The following AKR1B10 variants were observed in gnomAD, a reference collection of about 807,000 sequenced individuals.
AKR1B10 encodes the protein aldo-keto reductase family 1 member B10, also known as ARP.
AKR1B10 carries 39 observed loss-of-function variants against 38.9 expected under a neutral mutation model. The observed-to-expected ratio is 1.00, with a 90% CI of 0.78 to 1.31. AKR1B10 has a LOEUF of 1.31. Among genes scored for constraint, AKR1B10 ranks in the 50% most tolerant of loss-of-function variants. The pLI is 0.00. For synonymous variants in AKR1B10, 148 were observed against 141.2 expected (o/e 1.05, Z -0.34); for missense variants, 361 against 382.6 (o/e 0.94, Z 0.47).
rs189945249 is a variant in AKR1B10 at position 134,537,228 on chromosome 7, G to T, written c.659+71G>T. 9.6e-3 allele frequency: 14,722 copies of T among 1,534,028 alleles called. 136 individuals are homozygous for T. The highest frequency in any genetic ancestry group is 0.011 in the Non-Finnish European group (12,407 of 1,139,966). On this transcript the variant is annotated intron_variant, in intron 6 of 9. Coordinates refer to ENST00000359579, the MANE Select transcript of AKR1B10 (RefSeq NM_020299.5). Reference sequence around the variant, plus strand: ...CATTATTTTATAATTGGTAAATGTTGGTATGGGTCCATAAGTTACTGGAAA... The same window carrying T: ...CATTATTTTATAATTGGTAAATGTTTGTATGGGTCCATAAGTTACTGGAAA...
At chr7:134,536,021 G>A (rs1290316102) in intron 4 of AKR1B10, among the ~76,000 whole-genome samples, 1 of 152,238 alleles carries the variant, frequency 6.6e-6, no homozygotes, top group African/African-American at 2.4e-5. Context: ...AGCATGGCTG[G>A]ATATGCAAAC....
chr7:134,527,758 A>G lies in AKR1B10; in HGVS notation c.-154A>G. 1 of 1,063,878 alleles carries G rather than the reference A, an allele frequency of 9.4e-7. No individual in the cohort carries two copies. The highest frequency in any genetic ancestry group is 1.3e-6 in the Non-Finnish European group (1 of 759,344). 65.9% of individuals were successfully genotyped at this position (1,063,878 alleles called of 1,614,324 possible). The stretch of plus-strand genomic sequence containing the variant: ...CTACTCGGGAGGCTGAGGCAGGAGA[A>G]TTGCTTGAACCCAGGAGACAGAGGT... On this transcript the variant is annotated 5_prime_UTR_variant, in exon 1 of 10. Coordinates refer to ENST00000359579, the MANE Select transcript of AKR1B10 (RefSeq NM_020299.5).
chr7:134,539,052 G>T (rs761893835), intron 9 of AKR1B10, 35 bp downstream of exon 9: 1 of 1,612,318 alleles, frequency 6.2e-7, no homozygotes. Context: ...AGCATTGCCA[G>T]GAGTTTTTCT....
At chr7:134,532,129 C>T (rs953708632) in intron 3 of AKR1B10, 105 bp downstream of exon 3, 2 of 1,362,588 alleles carry the variant, frequency 1.5e-6, no homozygotes, top group South Asian at 1.2e-5. Flanking sequence ...GGAGGCCTTG[C>T]ATTTCATAAT....
chr7:134,532,604 G>A (rs113503603), intron 3 of AKR1B10, among the ~76,000 whole-genome samples: 9,422 of 152,078 alleles, frequency 0.062, 487 homozygotes, highest in African/African-American at 0.13. Context: ...CTAATTCCAC[G>A]CCTCTTCTAG....
chr7:134,541,198 C>A lies in AKR1B10; in HGVS notation c.*109C>A. On this transcript the variant is annotated 3_prime_UTR_variant, in exon 10 of 10. Coordinates refer to ENST00000359579, the MANE Select transcript of AKR1B10 (RefSeq NM_020299.5). Reference sequence around the variant, plus strand: ...CAAGCTTATTTAAGATCACAGTGAACTTAGTCCTGTTATAGACGAGAATCG... The same window carrying A: ...CAAGCTTATTTAAGATCACAGTGAAATTAGTCCTGTTATAGACGAGAATCG... The A allele has an allele frequency of 1.2e-6, 1 of 830,306 alleles. No homozygotes were observed. Among genetic ancestry groups the A allele is most frequent in the Non-Finnish European group, 1.9e-6 (1 of 517,762 alleles). 51.4% of individuals were successfully genotyped at this position (830,306 alleles called of 1,614,324 possible).
chr7:134,536,651 C>T lies in AKR1B10; in HGVS notation c.431C>T (p.Ala144Val), dbSNP rs1278345272. The T allele has an allele frequency of 2.5e-6, 4 of 1,613,764 alleles. No homozygotes were observed. The African/African-American group carries it at 4.0e-5, about 16-fold the overall frequency. The change falls in exon 5 of 10, where the codon GCC becomes GTC. Residue 144 changes from alanine to valine, a missense_variant and splice_region_variant. Ala to Val is a moderately conservative substitution (Grantham distance 64, BLOSUM62 0). This residue lies in a region of AKR1B10 where 220 missense variants were observed against 216.1 expected (regional missense o/e 1.02). Transcript: ENST00000359579. ...ATAAGGTATTCCTTTCTATGATAGG[C>T]CATGGAGGAGCTGGTGGATGAGGGG... Reference protein sequence around the residue: ...GKATFLDAWEAMEELVDEGLV... With the variant: ...GKATFLDAWEVMEELVDEGLV...
chr7:134,537,687 A>G, intron 7 of AKR1B10, 26 bp downstream of exon 7: 1 of 1,611,356 alleles, frequency 6.2e-7, no homozygotes, highest in South Asian at 1.1e-5. Context: ...TTTTCTTGTT[A>G]TCCAACAACT....
rs2117542558 is a variant in AKR1B10 at position 134,533,050 on chromosome 7, G to C, written c.398G>C (p.Gly133Ala). 1 of 1,599,374 alleles carries C rather than the reference G, an allele frequency of 6.3e-7. No homozygotes were observed. The highest frequency in any genetic ancestry group is 8.5e-7 in the Non-Finnish European group (1 of 1,174,832). The change falls in exon 4 of 10, where the codon GGT (glycine) becomes GCT (alanine). Residue 133 changes from glycine (G) to alanine (A), a missense_variant. Physicochemically the swap from Gly to Ala is moderately conservative, Grantham distance 60. Around this residue, in one of 3 missense-constraint regions of AKR1B10, gnomAD observed 220 missense variants for 216.1 expected, o/e 1.02. Coordinates refer to ENST00000359579, the MANE Select transcript of AKR1B10 (RefSeq NM_020299.5). ...FPKDDKGNAI[G>A]GKATFLDAWE... Reference sequence around the variant, plus strand: ...AAAGATGATAAAGGTAATGCCATCGGTGGAAAAGCAACGTTCTTGGATGCC... The same window carrying C: ...AAAGATGATAAAGGTAATGCCATCGCTGGAAAAGCAACGTTCTTGGATGCC...
intron 2 of AKR1B10, among the ~76,000 whole-genome samples, 182 bp from the exon 3 acceptor site, chr7:134,531,726 A>G (rs1406461579): frequency 6.6e-6 from 1 of 152,174 alleles, no homozygotes; most frequent in Admixed American, 6.5e-5. Context: ...AACACTTAAG[A>G]CATGTCATTG....
rs909451836 is a variant in AKR1B10 at position 134,528,530 on chromosome 7, C to A, written c.66+553C>A. ...CTTGAGCCCAGGAGTTGGAGACCAG[C>A]CTGGGCAACATGGCAAGAATCCATT... On this transcript the variant is annotated intron_variant, in intron 1 of 9. Transcript: ENST00000359579. Among the ~76,000 whole-genome samples, 40 of 152,288 alleles carry A rather than the reference C, an allele frequency of 2.6e-4. 1 individual carries two copies. Among genetic ancestry groups the A allele is most frequent in the African/African-American group, 9.1e-4 (38 of 41,558 alleles).
chr7:134,536,545 T>C, intron 4 of AKR1B10, 105 bp from the exon 5 acceptor site: 2 of 1,508,538 alleles, frequency 1.3e-6, no homozygotes, highest in Non-Finnish European at 1.8e-6. Flanking sequence ...GCTAACCCTG[T>C]TACGGTGGAT....
chr7:134,531,768 T>C, intron 2 of AKR1B10, 140 bp from the exon 3 acceptor site: 4 of 912,708 alleles, frequency 4.4e-6, no homozygotes, highest in Admixed American at 2.0e-5. Flanking sequence ...TTCCACACTG[T>C]GTCGTGGATC....
At chr7:134,530,015 G>A (rs1198651269) in intron 1 of AKR1B10, among the ~76,000 whole-genome samples, 2 of 152,064 alleles carry the variant, frequency 1.3e-5, no homozygotes, top group African/African-American at 4.8e-5. Context: ...CACCACAAAG[G>A]CCTCATGAGG....
chr7:134,531,862 C>T (rs761497720), intron 2 of AKR1B10, 46 bp from the exon 3 acceptor site: 4 of 1,606,514 alleles, frequency 2.5e-6, no homozygotes, highest in Non-Finnish European at 2.6e-6. Flanking sequence ...ACAATGTGGC[C>T]CTTCCTTTTC....
At chr7:134,531,426 C>T (rs1807852909) in intron 2 of AKR1B10, among the ~76,000 whole-genome samples, 1 of 152,066 alleles carries the variant, frequency 6.6e-6, no homozygotes, top group South Asian at 2.1e-4. Context: ...GACAAATAGA[C>T]CTCACTGTGT....
chr7:134,529,561 G>T (rs753442887), intron 1 of AKR1B10, among the ~76,000 whole-genome samples: 1 of 152,118 alleles, frequency 6.6e-6, no homozygotes, highest in Non-Finnish European at 1.5e-5. Context: ...GGGGGCACAG[G>T]GCTGCTTCTG....
chr7:134,532,640 A>T (rs1263396659), intron 3 of AKR1B10, among the ~76,000 whole-genome samples: 1 of 152,158 alleles, frequency 6.6e-6, no homozygotes, highest in African/African-American at 2.4e-5. Flanking sequence ...AAGTTGGCCA[A>T]TATCTTCTCC....
rs576489159 is a variant in AKR1B10, at chr7:134,527,690, A to T, written c.-222A>T. On this transcript the variant is annotated 5_prime_UTR_variant, in exon 1 of 10. Transcript: ENST00000359579. ...AGACCAGCCTGTCTCTACTAACAAT[A>T]TAAAAATTAGCTGGGAGTCACGGTG... 290 of 393,956 alleles carry T rather than the reference A, an allele frequency of 7.4e-4. 2 individuals are homozygous for T. Among genetic ancestry groups the T allele is most frequent in the Admixed American group, 2.4e-3 (70 of 29,080 alleles). 24.4% of individuals were successfully genotyped at this position (393,956 alleles called of 1,614,324 possible).
Sources: gnomAD v4.1 joint callset for allele counts (sites outside exome capture counted in the v4.1 genomes callset) on GRCh38, gnomAD v4.1.1 for gene constraint, gnomAD v4.1.1 regional missense constraint, MANE v1.5 for transcripts, NCBI Gene and HGNC (gene_info 2026-07-23, HGNC 2026-07-21) for gene names.